Variants in ARHGEF4 observed in about 807,000 individuals in gnomAD.
ARHGEF4 encodes Rho guanine nucleotide exchange factor 4.
In ARHGEF4, 119 loss-of-function variants were observed where a neutral mutation model predicts 162.0. The observed-to-expected ratio is 0.73, with a 90% confidence interval of 0.63 to 0.86. The LOEUF (loss-of-function observed/expected upper bound fraction) is 0.86. Ranked by LOEUF, ARHGEF4 falls within the 40% of genes least tolerant of loss-of-function variation. The pLI, the probability that ARHGEF4 is intolerant of heterozygous loss-of-function variation, is 0.00. For synonymous variants in ARHGEF4, 1,014 were observed against 979.9 expected (o/e 1.03, Z -0.65); for missense variants, 2,488 against 2,456.0 (o/e 1.01, Z -0.28).
chr2:130,941,065 A>G (rs896326864), intron 3 of ARHGEF4, among the ~76,000 whole-genome samples: 1 of 152,126 alleles, frequency 6.6e-6, no homozygotes, highest in African/African-American at 2.4e-5. Flanking sequence ...CTGTAGAACA[A>G]GAAGGGAAGA....
intron 1 of ARHGEF4, among the ~76,000 whole-genome samples, chr2:130,856,913 G>A (rs973527265): frequency 2.0e-5 from 3 of 152,184 alleles, no homozygotes; most frequent in Non-Finnish European, 2.9e-5. Flanking sequence ...AGGAAATGAA[G>A]AGAATGGGAA....
chr2:130,894,486 A>G (rs925731716), intron 1 of ARHGEF4, among the ~76,000 whole-genome samples: 3 of 152,182 alleles, frequency 2.0e-5, no homozygotes, highest in Non-Finnish European at 2.9e-5. Flanking sequence ...ACACCTGGAC[A>G]GGAATCCTGC....
chr2:130,914,042 C>A lies in ARHGEF4; in HGVS notation c.96C>A (p.Leu32=). The change falls in exon 2 of 14, where the codon CTC becomes CTA. Residue 32 remains leucine, a synonymous_variant. Transcript: ENST00000409359. Reference sequence around the variant, plus strand: ...AAGGTGAGATTGAAGATAACCAGCTCCCCACATCCCCTGCAGAACAAGTGG... The same window carrying A: ...AAGGTGAGATTGAAGATAACCAGCTACCCACATCCCCTGCAGAACAAGTGG... ...PGEGEIEDNQ[L]PTSPAEQVEQ... is the part of the protein sequence containing the mutation. 1 of 1,536,142 alleles carries A rather than the reference C, an allele frequency of 6.5e-7. No individual in the cohort carries two copies. The highest frequency in any genetic ancestry group is 8.7e-7 in the Non-Finnish European group (1 of 1,146,916).
At chr2:130,883,624 G>A (rs541247774) in intron 1 of ARHGEF4, among the ~76,000 whole-genome samples, 2 of 152,262 alleles carry the variant, frequency 1.3e-5, no homozygotes, top group Non-Finnish European at 2.9e-5. Flanking sequence ...GGAGTCGCCT[G>A]GACCTGGCCC....
Position 131,040,153 on chromosome 2 carries a change from T to TGAGC in ARHGEF4, c.4445_4448dup (p.Asp1484AlafsTer85), listed in dbSNP as rs1690675836. 1 of 1,613,138 alleles carries TGAGC rather than the reference T, an allele frequency of 6.2e-7. No individual in the cohort carries two copies. The highest frequency in any genetic ancestry group is 8.5e-7 in the Non-Finnish European group (1 of 1,179,716). The stretch of plus-strand genomic sequence containing the variant: ...ACGTCATCAACGAGATCCTCAGCAC[T>TGAGC]GAGCGGGACTACATCAAGCACCTGC... On this transcript the variant is annotated frameshift_variant, in exon 7 of 14. Coordinates refer to ENST00000409359, the MANE Select transcript of ARHGEF4 (RefSeq NM_001367493.1). LOFTEE classifies it high-confidence loss of function.
chr2:130,886,667 C>T (rs1476436382), intron 1 of ARHGEF4, among the ~76,000 whole-genome samples: 6 of 146,374 alleles, frequency 4.1e-5, no homozygotes, highest in South Asian at 2.2e-4. Context: ...GGTGGCAGAC[C>T]GAGACTCTGT....
Position 130,937,816 on chromosome 2 carries a change from C to T in ARHGEF4, c.3858+6559C>T, listed in dbSNP as rs542570830. ...ACAAGTTGCTGGGACTACAGGCACT[C>T]GCCACCATGCCCGGCTAATTTTTTG... On this transcript the variant is annotated intron_variant, in intron 3 of 13. Coordinates refer to ENST00000409359, the MANE Select transcript of ARHGEF4 (RefSeq NM_001367493.1). Among the ~76,000 whole-genome samples the T allele has an allele frequency of 3.3e-5, 5 of 152,144 alleles. No individual in the cohort carries two copies. The East Asian group carries it at 9.7e-4, about 30-fold the overall frequency.
At chr2:130,923,646 G>C (rs1387300182) in intron 2 of ARHGEF4, among the ~76,000 whole-genome samples, 1 of 152,212 alleles carries the variant, frequency 6.6e-6, no homozygotes, top group Non-Finnish European at 1.5e-5. Flanking sequence ...TAGTGAGCGA[G>C]TAAGATCATT....
chr2:130,918,837 G>T (rs990869371), intron 2 of ARHGEF4, among the ~76,000 whole-genome samples: 3 of 152,166 alleles, frequency 2.0e-5, no homozygotes, highest in Non-Finnish European at 4.4e-5. Flanking sequence ...TGTTTTGGGG[G>T]GAGGGTTACT....
At chr2:131,029,035 T>TC (rs1689662597) in intron 5 of ARHGEF4, among the ~76,000 whole-genome samples, 1 of 151,942 alleles carries the variant, frequency 6.6e-6, no homozygotes, top group Non-Finnish European at 1.5e-5. Context: ...CATGAACTCC[T>TC]CCTAGAGGCC....
intron 4 of ARHGEF4, among the ~76,000 whole-genome samples, chr2:130,981,532 G>A (rs1262913460): frequency 1.3e-5 from 2 of 151,858 alleles, no homozygotes; most frequent in African/African-American, 2.4e-5. Context: ...GGTGGCAGGC[G>A]CCTGTAGTCC....
chr2:130,879,055 G>A (rs16856250), intron 1 of ARHGEF4, among the ~76,000 whole-genome samples: 9 of 152,190 alleles, frequency 5.9e-5, no homozygotes, highest in African/African-American at 1.7e-4. Context: ...GGAGCACCAC[G>A]GAAGAGCAAA....
intron 1 of ARHGEF4, among the ~76,000 whole-genome samples, chr2:130,872,852 G>A (rs937523317): frequency 3.9e-5 from 6 of 152,308 alleles, no homozygotes; most frequent in East Asian, 1.9e-4. Flanking sequence ...GTCAGGTCTC[G>A]TGGTCACCTG....
chr2:130,904,239 G>A (rs79871151), intron 1 of ARHGEF4, among the ~76,000 whole-genome samples: 2,052 of 152,234 alleles, frequency 0.013, 46 homozygotes, highest in African/African-American at 0.047. Context: ...TGCTGTCTTG[G>A]TGTTGGCCTC....
chr2:131,031,260 C>G (rs76972961), intron 5 of ARHGEF4, among the ~76,000 whole-genome samples: 2,601 of 152,326 alleles, frequency 0.017, 66 homozygotes, highest in African/African-American at 0.059. Flanking sequence ...GGGGAAACCA[C>G]CTTGCAATTT....
chr2:131,045,193 G>C (rs1308562198), intron 12 of ARHGEF4, among the ~76,000 whole-genome samples, 176 bp from the exon 13 acceptor site: 1 of 152,212 alleles, frequency 6.6e-6, no homozygotes. Flanking sequence ...CATGCCCTCT[G>C]CCCTGGTTGG....
rs1479143349 is a variant in ARHGEF4, at chr2:130,916,704, A to G, written c.2758A>G (p.Ile920Val). The G allele has an allele frequency of 1.3e-6, 2 of 1,550,654 alleles. No individual in the cohort carries two copies. The highest frequency in any genetic ancestry group is 2.0e-5 in the Admixed American group (1 of 51,016). ...GGCTCATAAGACCTTTTCAAACTTT[A>G]TTGAGTCAATAGTTCTAGAGAAAGA... Reference protein sequence around the residue: ...ALAHKTFSNFIESIVLEKENT... With the variant: ...ALAHKTFSNFVESIVLEKENT... Residue 920 changes from isoleucine (I) to valine (V), a missense_variant, in exon 2 of 14, where the codon ATT becomes GTT. Physicochemically the swap from Ile to Val is conservative, Grantham distance 29. Transcript: ENST00000409359.
chr2:131,040,074 G>C lies in ARHGEF4; in HGVS notation c.4364G>C (p.Gly1455Ala), dbSNP rs201247468. 8 of 1,601,672 alleles carry C rather than the reference G, an allele frequency of 5.0e-6. No individual in the cohort carries two copies. The highest frequency in any genetic ancestry group is 2.2e-5 in the South Asian group (2 of 89,566). The change falls in exon 7 of 14, where the codon GGA (glycine) becomes GCA (alanine). Residue 1455 changes from glycine to alanine, a missense_variant. Physicochemically the swap from Gly to Ala is moderately conservative, Grantham distance 60. Around this residue, in one of 6 missense-constraint regions of ARHGEF4, gnomAD observed 174 missense variants for 148.3 expected, o/e 1.17. Transcript: ENST00000409359. ...DDDAPLAGNS[G>A]AEDGGAEAQS... Reference sequence around the variant, plus strand: ...GACGCCCCTCTGGCCGGGAACAGCGGAGCGGAGGACGGCGGGGCGGAGGCG... The same window carrying C: ...GACGCCCCTCTGGCCGGGAACAGCGCAGCGGAGGACGGCGGGGCGGAGGCG...
At chr2:130,854,537 G>C (rs1681624553) in intron 1 of ARHGEF4, among the ~76,000 whole-genome samples, 1 of 144,206 alleles carries the variant, frequency 6.9e-6, no homozygotes. Context: ...CAGAAGCTCT[G>C]TTTCTGGCAA....
Sources: gnomAD v4.1 joint callset for allele counts (sites outside exome capture counted in the v4.1 genomes callset) on GRCh38, gnomAD v4.1.1 for gene constraint, gnomAD v4.1.1 regional missense constraint, MANE v1.5 for transcripts, NCBI Gene and HGNC (gene_info 2026-07-23, HGNC 2026-07-21) for gene names.